PCSK2: variants seen among roughly 807,000 people sequenced by gnomAD.
The protein encoded by PCSK2 is neuroendocrine convertase 2.
PCSK2 carries 14 observed loss-of-function variants against 69.7 expected under a neutral mutation model. The ratio of observed to expected loss-of-function variants is 0.20; its 90% confidence interval spans 0.13 to 0.31. PCSK2 has a LOEUF of 0.31. PCSK2 is among the 10% of genes least tolerant of loss of function. PCSK2 has a pLI of 1.00. For synonymous variants in PCSK2, 307 were observed against 320.7 expected, an observed-to-expected ratio of 0.96 and a Z score of 0.46; for missense variants, 544 against 842.5, an observed-to-expected ratio of 0.65 and a Z score of 4.39.
intron 5 of PCSK2, among the ~76,000 whole-genome samples, chr20:17,381,507 A>G (rs1164300892): frequency 6.6e-6 from 1 of 151,426 alleles, no homozygotes; most frequent in East Asian, 1.9e-4. Flanking sequence ...TAGTTCACAG[A>G]CTCCCATTGA....
chr20:17,429,372 C>A (rs2032317355), intron 6 of PCSK2, 63 bp from the exon 7 acceptor site: 1 of 1,179,880 alleles, frequency 8.5e-7, no homozygotes, highest in East Asian at 2.3e-5. Context: ...ATTTTGAGCC[C>A]ATGAGAGATC....
At chr20:17,330,895 A>G (rs1198056967) in intron 2 of PCSK2, among the ~76,000 whole-genome samples, 1 of 152,170 alleles carries the variant, frequency 6.6e-6, no homozygotes, top group Admixed American at 6.5e-5. Context: ...AGGAAGCAGA[A>G]GCATAGCTGA....
At chr20:17,437,944 C>T (rs6131950) in intron 8 of PCSK2, among the ~76,000 whole-genome samples, 12,167 of 151,904 alleles carry the variant, frequency 0.08, 570 homozygotes, top group East Asian at 0.16. Flanking sequence ...CCTAGGCTTA[C>T]GCAGTCTTCT....
At chr20:17,403,635 G>A (rs2031692595) in intron 5 of PCSK2, among the ~76,000 whole-genome samples, 1 of 152,216 alleles carries the variant, frequency 6.6e-6, no homozygotes, top group African/African-American at 2.4e-5. Flanking sequence ...ACAGCTCCTA[G>A]CTGGGTTATT....
At chr20:17,472,336 G>A (rs990805407) in intron 11 of PCSK2, among the ~76,000 whole-genome samples, 4 of 152,148 alleles carry the variant, frequency 2.6e-5, no homozygotes, top group African/African-American at 7.2e-5. Flanking sequence ...GCGTGTGCTC[G>A]GCCCTGTGCC....
chr20:17,325,037 G>A (rs148875647), intron 2 of PCSK2, among the ~76,000 whole-genome samples: 280 of 152,226 alleles, frequency 1.8e-3, no homozygotes, highest in Non-Finnish European at 3.4e-3. Context: ...GCAGAATTCA[G>A]GTCAGCCTTC....
At chr20:17,300,672 T>C (rs1021109831) in intron 2 of PCSK2, among the ~76,000 whole-genome samples, 1 of 152,214 alleles carries the variant, frequency 6.6e-6, no homozygotes, top group Non-Finnish European at 1.5e-5. Flanking sequence ...AGTGAGAATA[T>C]TTTTATTTTT....
chr20:17,318,467 A>T (rs1299993954), intron 2 of PCSK2, among the ~76,000 whole-genome samples: 1 of 152,256 alleles, frequency 6.6e-6, no homozygotes, highest in Non-Finnish European at 1.5e-5. Context: ...GATGAAAAAC[A>T]ACATTACCAG....
intron 6 of PCSK2, among the ~76,000 whole-genome samples, chr20:17,422,690 C>T (rs1397829024): frequency 6.6e-6 from 1 of 152,012 alleles, no homozygotes; most frequent in Non-Finnish European, 1.5e-5. Flanking sequence ...TCAGCAACAA[C>T]AGAACAACAG....
At chr20:17,421,451 C>A (rs1179220013) in intron 6 of PCSK2, among the ~76,000 whole-genome samples, 1 of 152,162 alleles carries the variant, frequency 6.6e-6, no homozygotes, top group African/African-American at 2.4e-5. Flanking sequence ...CATTAGCCAG[C>A]AAACGTGGTC....
intron 10 of PCSK2, chr20:17,464,067 A>T (rs1211611855): frequency 6.6e-6 from 1 of 152,174 alleles, no homozygotes; most frequent in Non-Finnish European, 1.5e-5. Context: ...TTCATTTTTT[A>T]AAATAATAAC....
At chr20:17,302,329 A>G (rs937015648) in intron 2 of PCSK2, among the ~76,000 whole-genome samples, 6 of 152,140 alleles carry the variant, frequency 3.9e-5, no homozygotes, top group Non-Finnish European at 8.8e-5. Flanking sequence ...AAATTTACCA[A>G]TTTAAACATG....
At chr20:17,297,573 T>C (rs1600463035) in intron 2 of PCSK2, among the ~76,000 whole-genome samples, 2 of 152,210 alleles carry the variant, frequency 1.3e-5, no homozygotes, top group Admixed American at 1.3e-4. Flanking sequence ...TGGGTCTCTT[T>C]CCAGGACTAG....
chr20:17,372,341 T>A (rs1277169141), intron 5 of PCSK2, among the ~76,000 whole-genome samples: 2 of 151,150 alleles, frequency 1.3e-5, no homozygotes, highest in Admixed American at 1.3e-4. Flanking sequence ...ATTGCACCAC[T>A]GCACTCCAGC....
At chr20:17,459,855 A>C (rs945074540) in intron 10 of PCSK2, among the ~76,000 whole-genome samples, 1 of 152,240 alleles carries the variant, frequency 6.6e-6, no homozygotes, top group Admixed American at 6.5e-5. Flanking sequence ...AGGATGATCA[A>C]TAAGGCAATA....
intron 5 of PCSK2, among the ~76,000 whole-genome samples, chr20:17,399,819 T>C (rs1011634478): frequency 6.6e-6 from 1 of 152,202 alleles, no homozygotes; most frequent in Admixed American, 6.5e-5. Context: ...AAAGAGGAAG[T>C]ATTTCAGATT....
At chr20:17,362,801 A>G (rs1188008029) in intron 4 of PCSK2, among the ~76,000 whole-genome samples, 1 of 152,264 alleles carries the variant, frequency 6.6e-6, no homozygotes, top group Non-Finnish European at 1.5e-5. Context: ...TTAATGCATC[A>G]CATGCTATTC....
chr20:17,315,839 G>A (rs1299430128), intron 2 of PCSK2, among the ~76,000 whole-genome samples: 1 of 152,144 alleles, frequency 6.6e-6, no homozygotes, highest in African/African-American at 2.4e-5. Flanking sequence ...CTTCACCCCC[G>A]GCCGGTGTGA....
At chr20:17,274,208 G>T (rs1210221268) in intron 2 of PCSK2, among the ~76,000 whole-genome samples, 7 of 152,124 alleles carry the variant, frequency 4.6e-5, no homozygotes, top group Admixed American at 4.6e-4. Flanking sequence ...CATAAGTTCA[G>T]CACTCATGTT....
Sources: gnomAD v4.1 joint callset for allele counts (sites outside exome capture counted in the v4.1 genomes callset) on GRCh38, gnomAD v4.1.1 for gene constraint, MANE v1.5 for transcripts, NCBI Gene and HGNC (gene_info 2026-07-23, HGNC 2026-07-21) for gene names.